Variants in PLPP3 observed in about 807,000 individuals in gnomAD.
The protein encoded by PLPP3 is phospholipid phosphatase 3.
PLPP3 carries 6 observed loss-of-function variants against 29.6 expected under a neutral mutation model. The ratio of observed to expected loss-of-function variants is 0.20; its 90% confidence interval spans 0.11 to 0.40. PLPP3 has a LOEUF of 0.40. Among genes scored for constraint, PLPP3 ranks in the 10% least tolerant of loss-of-function variants. The pLI, the probability that PLPP3 is intolerant of heterozygous loss-of-function variation, is 1.00. For missense variants in PLPP3, 308 were observed against 407.7 expected (o/e 0.76, Z 2.11); for synonymous variants, 152 against 159.7 (o/e 0.95, Z 0.36).
intron 1 of PLPP3, among the ~76,000 whole-genome samples, chr1:56,560,134 T>A (rs1557514647): frequency 1.3e-5 from 2 of 152,188 alleles, no homozygotes; most frequent in South Asian, 4.1e-4. Flanking sequence ...GAACTGCACC[T>A]GCCCAACATC....
chr1:56,521,234 CAAA>C (rs765448174), intron 4 of PLPP3, among the ~76,000 whole-genome samples: 6 of 54,780 alleles, frequency 1.1e-4, no homozygotes, highest in East Asian at 1.1e-3. Context: ...GACTCTGTCT[CAAA>C]AAAAAAAAAA....
intron 1 of PLPP3, among the ~76,000 whole-genome samples, chr1:56,551,359 C>T (rs1646038066): frequency 7.2e-6 from 1 of 139,518 alleles, no homozygotes; most frequent in Non-Finnish European, 1.6e-5. Flanking sequence ...GATACAAGTC[C>T]CTCCCCTTCC....
intron 1 of PLPP3, among the ~76,000 whole-genome samples, chr1:56,565,797 C>G (rs1296347914): frequency 6.6e-6 from 1 of 152,166 alleles, no homozygotes; most frequent in African/African-American, 2.4e-5. Flanking sequence ...AAATTTAGAG[C>G]TGATGGTCCA....
At chr1:56,516,465 C>T (rs1318001270) in intron 4 of PLPP3, among the ~76,000 whole-genome samples, 2 of 152,144 alleles carry the variant, frequency 1.3e-5, no homozygotes, top group Non-Finnish European at 2.9e-5. Flanking sequence ...ATCAGAATAC[C>T]CAGAGGGGCT....
Position 56,496,580 on chromosome 1 carries a change from C to G in PLPP3, c.907G>C (p.Asp303His). ...ATCATGTTGTGGTGATTGTTCCTGTCAATAATGTCCACAGGTGAAAGGATT... is the reference window on the plus strand; with the variant it reads ...ATCATGTTGTGGTGATTGTTCCTGTGAATAATGTCCACAGGTGAAAGGATT... The part of the protein sequence containing the change: ...KEILSPVDII[D>H]RNNHHNMM Residue 303 changes from aspartate (D) to histidine (H), a missense_variant, in exon 6 of 6, where the codon GAC becomes CAC. Physicochemically the swap from Asp to His is moderately conservative, Grantham distance 81. This residue lies in a region of PLPP3 where 232 missense variants were observed against 317.2 expected (regional missense o/e 0.73). Transcript: ENST00000371250. The G allele has an allele frequency of 6.2e-7, 1 of 1,614,006 alleles. No homozygotes were observed. The highest frequency in any genetic ancestry group is 8.5e-7 in the Non-Finnish European group (1 of 1,179,948).
chr1:56,539,736 G>T (rs1645955518), intron 1 of PLPP3, among the ~76,000 whole-genome samples: 1 of 152,178 alleles, frequency 6.6e-6, no homozygotes, highest in African/African-American at 2.4e-5. Flanking sequence ...GCCTGGGAGA[G>T]AAATCATATG....
At chr1:56,506,565 C>T (rs1263602492) in intron 5 of PLPP3, among the ~76,000 whole-genome samples, 1 of 152,204 alleles carries the variant, frequency 6.6e-6, no homozygotes, top group African/African-American at 2.4e-5. Context: ...GAACCCACAG[C>T]AATGGCAGCC....
intron 5 of PLPP3, among the ~76,000 whole-genome samples, chr1:56,505,914 G>A (rs1645699178): frequency 6.6e-6 from 1 of 152,204 alleles, no homozygotes. Flanking sequence ...TACAAAGATA[G>A]TGTCGTTATC....
chr1:56,557,013 A>G (rs372220190), intron 1 of PLPP3, among the ~76,000 whole-genome samples: 5 of 15,076 alleles, frequency 3.3e-4, no homozygotes, highest in Non-Finnish European at 6.5e-4. Context: ...AAAGAAAGAG[A>G]GAGAGAGAGA....
chr1:56,496,322 A>G lies in PLPP3; in HGVS notation c.*229T>C. The G allele has an allele frequency of 2.3e-6, 1 of 439,282 alleles. No homozygotes were observed. The highest frequency in any genetic ancestry group is 2.5e-5 in the South Asian group (1 of 40,602). 27.2% of individuals were successfully genotyped at this position (439,282 alleles called of 1,614,324 possible). A position where few individuals can be genotyped will look rare whatever the true frequency, so the allele number is the denominator to read the frequency against. The stretch of plus-strand genomic sequence containing the variant: ...TCACTAGAACATGAACACTTAAACC[A>G]ATTGCACATCCAGGACTCTGGCACT... On this transcript the variant is annotated 3_prime_UTR_variant, in exon 6 of 6. Transcript: ENST00000371250.
chr1:56,496,631 G>C lies in PLPP3; in HGVS notation c.856C>G (p.Leu286Val), dbSNP rs1208590537. ...DLFKTKTTLS[L>V]PAPAIRKEIL... ...TCCTTCCGGATAGCAGGGGCAGGCAGGGAGAGCGTCGTCTTAGTCTTGAAG... is the reference window on the plus strand; with the variant it reads ...TCCTTCCGGATAGCAGGGGCAGGCACGGAGAGCGTCGTCTTAGTCTTGAAG... The change falls in exon 6 of 6, where the codon CTG becomes GTG. Residue 286 changes from leucine (L) to valine (V), a missense_variant. By Grantham distance (32) the Leu-to-Val change is conservative. This residue lies in a region of PLPP3 where 232 missense variants were observed against 317.2 expected (regional missense o/e 0.73). Transcript: ENST00000371250. 2.5e-6 allele frequency: 4 copies of C among 1,613,772 alleles called. No individual in the cohort carries two copies. The African/African-American group carries it at 5.3e-5, about 22-fold the overall frequency.
chr1:56,509,558 A>C (rs910686621), intron 5 of PLPP3, among the ~76,000 whole-genome samples: 2 of 152,168 alleles, frequency 1.3e-5, no homozygotes, highest in Non-Finnish European at 2.9e-5. Flanking sequence ...GACAGTGGGC[A>C]GCTGGGCACA....
chr1:56,516,601 C>T (rs1569871944), intron 4 of PLPP3, among the ~76,000 whole-genome samples: 1 of 152,204 alleles, frequency 6.6e-6, no homozygotes, highest in Middle Eastern at 3.4e-3. Flanking sequence ...TCCTCATCTG[C>T]ATGAAGGCCT....
chr1:56,567,386 GGT>G (rs1646167518), intron 1 of PLPP3, among the ~76,000 whole-genome samples: 1 of 149,310 alleles, frequency 6.7e-6, no homozygotes, highest in Non-Finnish European at 1.5e-5. Context: ...TTAATCTTAA[GGT>G]ATTTCTTTTT....
At chr1:56,575,757 A>G (rs115089944) in intron 1 of PLPP3, among the ~76,000 whole-genome samples, 107 of 152,306 alleles carry the variant, frequency 7.0e-4, no homozygotes, top group African/African-American at 2.4e-3. Context: ...TAATTTATTC[A>G]TAGGGGTTGC....
intron 1 of PLPP3, among the ~76,000 whole-genome samples, chr1:56,574,151 G>C (rs1389586585): frequency 6.7e-6 from 1 of 149,636 alleles, no homozygotes; most frequent in Non-Finnish European, 1.5e-5. Context: ...AGCGAGCCAA[G>C]ATCACGCCAT....
chr1:56,552,259 T>C (rs1016980982), intron 1 of PLPP3, among the ~76,000 whole-genome samples: 7 of 150,080 alleles, frequency 4.7e-5, no homozygotes, highest in African/African-American at 1.7e-4. Flanking sequence ...GAGAGATAGA[T>C]AGATAGACTG....
intron 2 of PLPP3, among the ~76,000 whole-genome samples, chr1:56,534,238 T>C (rs1448294343): frequency 6.6e-6 from 1 of 152,198 alleles, no homozygotes; most frequent in Non-Finnish European, 1.5e-5. Flanking sequence ...GAACCATTGC[T>C]TTGTGGATTT....
intron 1 of PLPP3, among the ~76,000 whole-genome samples, chr1:56,537,875 C>G (rs1462195565): frequency 1.3e-5 from 2 of 152,186 alleles, no homozygotes; most frequent in East Asian, 3.9e-4. Flanking sequence ...CTTGCAGTTG[C>G]TGCTGGTTAT....
Sources: gnomAD v4.1 joint callset for allele counts (sites outside exome capture counted in the v4.1 genomes callset) on GRCh38, gnomAD v4.1.1 for gene constraint, gnomAD v4.1.1 regional missense constraint, MANE v1.5 for transcripts, NCBI Gene and HGNC (gene_info 2026-07-23, HGNC 2026-07-21) for gene names.